CLTCL1: variants seen among roughly 807,000 people sequenced by gnomAD.
CLTCL1 encodes the protein clathrin heavy chain 2.
Under a neutral mutation model 190.0 loss-of-function variants are expected in CLTCL1, and 159 were observed. The observed-to-expected ratio is 0.84, with a 90% CI of 0.74 to 0.95. CLTCL1 has a LOEUF of 0.95. Ranked by LOEUF, CLTCL1 falls within the 40% of genes least tolerant of loss-of-function variation. The probability of loss-of-function intolerance (pLI) is 0.00; values close to 1 mark genes in which losing one functional copy is unlikely to be tolerated. For synonymous variants in CLTCL1, 752 were observed against 769.6 expected, an observed-to-expected ratio of 0.98 and a Z score of 0.38; for missense variants, 1,878 against 2,033.4, an observed-to-expected ratio of 0.92 and a Z score of 1.47.
intron 29 of CLTCL1, among the ~76,000 whole-genome samples, chr22:19,185,564 G>A (rs1431866444): frequency 6.6e-6 from 1 of 152,126 alleles, no homozygotes; most frequent in Non-Finnish European, 1.5e-5. Flanking sequence ...CTGATCCTGT[G>A]ATCCGCCCGC....
chr22:19,236,650 G>A (rs2086091033), intron 5 of CLTCL1, among the ~76,000 whole-genome samples: 1 of 152,124 alleles, frequency 6.6e-6, no homozygotes, highest in African/African-American at 2.4e-5. Flanking sequence ...AATCATATAT[G>A]AGAATTTATT....
intron 2 of CLTCL1, among the ~76,000 whole-genome samples, chr22:19,271,907 G>T (rs1057461245): frequency 6.6e-5 from 10 of 152,160 alleles, no homozygotes; most frequent in Non-Finnish European, 1.5e-4. Flanking sequence ...AGGAGTTTGA[G>T]ATCAGCCTGG....
At chr22:19,235,042 A>T (rs1320101359) in intron 6 of CLTCL1, among the ~76,000 whole-genome samples, 1 of 152,176 alleles carries the variant, frequency 6.6e-6, no homozygotes, top group Non-Finnish European at 1.5e-5. Context: ...TTTTTTAAAA[A>T]ATATTTTTGT....
Position 19,223,792 on chromosome 22 carries a change from A to G in CLTCL1, c.2292+99T>C. The stretch of plus-strand genomic sequence containing the variant: ...CTGGGACTAAGGGGTCCCTGGCGAG[A>G]CAGATCCAGCTTCCTGCCCCTGGGA... On this transcript the variant is annotated intron_variant, in intron 14 of 32. Coordinates refer to ENST00000427926, the MANE Select transcript of CLTCL1 (RefSeq NM_007098.4). The G allele has an allele frequency of 3.5e-6, 5 of 1,436,766 alleles. No homozygotes were observed. The South Asian group carries it at 6.2e-5, about 18-fold the overall frequency. 89.0% of individuals were successfully genotyped at this position (1,436,766 alleles called of 1,614,324 possible). A position where few individuals can be genotyped will look rare whatever the true frequency, so the allele number is the denominator to read the frequency against.
At chr22:19,215,987 G>T in intron 19 of CLTCL1, 124 bp downstream of exon 19, 1 of 842,328 alleles carries the variant, frequency 1.2e-6, no homozygotes, top group Non-Finnish European at 1.8e-6. Flanking sequence ...AGATTGGCAT[G>T]TCTGGGGAGC....
At chr22:19,228,197 T>C (rs1264360645) in intron 11 of CLTCL1, among the ~76,000 whole-genome samples, 1 of 152,260 alleles carries the variant, frequency 6.6e-6, no homozygotes, top group African/African-American at 2.4e-5. Context: ...ATCTAGCACT[T>C]ACCTGAGTCT....
intron 5 of CLTCL1, among the ~76,000 whole-genome samples, chr22:19,238,143 G>A (rs2086138783): frequency 6.6e-6 from 1 of 152,070 alleles, no homozygotes; most frequent in Admixed American, 6.5e-5. Flanking sequence ...GCAGTGGCAT[G>A]CAGTGGTGTG....
intron 27 of CLTCL1, among the ~76,000 whole-genome samples, chr22:19,190,281 T>G (rs951592589): frequency 6.6e-6 from 1 of 152,138 alleles, no homozygotes; most frequent in Admixed American, 6.5e-5. Flanking sequence ...ATTCCAATGC[T>G]GTTGTGTCTC....
chr22:19,240,081 T>A (rs916140546), intron 4 of CLTCL1, among the ~76,000 whole-genome samples: 2 of 151,668 alleles, frequency 1.3e-5, no homozygotes, highest in Admixed American at 6.6e-5. Context: ...CCCAAGTAGC[T>A]GAGATTACAG....
Position 19,196,400 on chromosome 22 carries a change from C to T in CLTCL1, c.4057G>A (p.Glu1353Lys). Residue 1353 changes from glutamate (E) to lysine (K), a missense_variant, in exon 26 of 33, where the codon GAG (glutamate) becomes AAG (lysine). Glu to Lys is a moderately conservative substitution (Grantham distance 56). Transcript: ENST00000427926. ...AGCTCAGCCCACAGGTGTGCCTGCTCTGCAGCCCTCAGCACCTGGACAAGG... is the reference window on the plus strand; with the variant it reads ...AGCTCAGCCCACAGGTGTGCCTGCTTTGCAGCCCTCAGCACCTGGACAAGG... Reference protein sequence around the residue: ...VNIPKVLRAAEQAHLWAELVF... With the variant: ...VNIPKVLRAAKQAHLWAELVF... 1 of 1,614,058 alleles carries T rather than the reference C, an allele frequency of 6.2e-7. No homozygotes were observed. Among genetic ancestry groups the T allele is most frequent in the Middle Eastern group, 1.6e-4 (1 of 6,062 alleles).
At chr22:19,271,367 C>T (rs1343645074) in intron 2 of CLTCL1, among the ~76,000 whole-genome samples, 2 of 152,006 alleles carry the variant, frequency 1.3e-5, no homozygotes, top group Admixed American at 6.6e-5. Context: ...TGAGTTCTCA[C>T]GAGATCTGAT....
At chr22:19,274,915 A>G (rs2087447870) in intron 2 of CLTCL1, among the ~76,000 whole-genome samples, 1 of 151,742 alleles carries the variant, frequency 6.6e-6, no homozygotes, top group African/African-American at 2.4e-5. Flanking sequence ...TTTAATAGAG[A>G]TGGGGTTTCT....
intron 3 of CLTCL1, chr22:19,249,848 G>T: frequency 2.5e-6 from 1 of 394,902 alleles, no homozygotes. Flanking sequence ...CATCAAAGCT[G>T]ATTTTGAAAC....
intron 1 of CLTCL1, 41 bp downstream of exon 1, chr22:19,291,559 G>C: frequency 7.5e-7 from 1 of 1,330,988 alleles, no homozygotes; most frequent in South Asian, 1.9e-5. Context: ...CCCGGCGGAG[G>C]CGCGGCTGAC....
intron 2 of CLTCL1, among the ~76,000 whole-genome samples, chr22:19,268,004 CA>C (rs2087176414): frequency 6.6e-6 from 1 of 151,928 alleles, no homozygotes; most frequent in South Asian, 2.1e-4. Context: ...TGGGCTTTAT[CA>C]AAATTAGTAA....
At position 19,226,286 on chromosome 22, in the gene CLTCL1, A is replaced by G. The variant is rs782548143; in HGVS notation, c.1880T>C (p.Leu627Pro). Residue 627 changes from leucine to proline, a missense_variant, in exon 12 of 33, where the codon CTG (leucine) becomes CCG (proline). Physicochemically the swap from Leu to Pro is moderately conservative, Grantham distance 98. Coordinates refer to ENST00000427926, the MANE Select transcript of CLTCL1 (RefSeq NM_007098.4). ...GTCATAGAGGTCGGTGTAGTGCTCC[A>G]GTGCTTGCTGCAGGAGGCCTGCCTT... ...CEKAGLLQQA[L>P]EHYTDLYDIK... The G allele has an allele frequency of 1.9e-6, 3 of 1,614,048 alleles. No homozygotes were observed. Among genetic ancestry groups the G allele is most frequent in the Non-Finnish European group, 2.5e-6 (3 of 1,179,882 alleles).
intron 1 of CLTCL1, among the ~76,000 whole-genome samples, chr22:19,281,804 C>T (rs1259275820): frequency 6.6e-6 from 1 of 152,118 alleles, no homozygotes; most frequent in Middle Eastern, 3.2e-3. Flanking sequence ...TAATTTGTAT[C>T]CAATCTCTTG....
At chr22:19,280,593 T>A (rs1601731169) in intron 1 of CLTCL1, among the ~76,000 whole-genome samples, 1 of 149,396 alleles carries the variant, frequency 6.7e-6, no homozygotes, top group Non-Finnish European at 1.5e-5. Context: ...CTGAGGCGGG[T>A]GGGTCGCTTG....
chr22:19,184,448 T>C, intron 29 of CLTCL1: 1 of 455,928 alleles, frequency 2.2e-6, no homozygotes. Flanking sequence ...CACATCTGCA[T>C]GGACCCGATG....
Sources: allele counts gnomAD v4.1 joint callset (sites outside exome capture counted in the v4.1 genomes callset), GRCh38; gene constraint gnomAD v4.1.1; transcripts MANE v1.5; gene names NCBI Gene and HGNC (gene_info 2026-07-23, HGNC 2026-07-21).